Variants in TRAFD1 observed in about 807,000 individuals in gnomAD.
The protein encoded by TRAFD1 is TRAF-type zinc finger domain containing 1.
Under a neutral mutation model 65.3 loss-of-function variants are expected in TRAFD1, and 38 were observed. The observed-to-expected ratio is 0.58, with a 90% CI of 0.45 to 0.76. The LOEUF (loss-of-function observed/expected upper bound fraction) is 0.76, where lower values mean the gene tolerates loss of function less well. Ranked by LOEUF, TRAFD1 falls within the 30% of genes least tolerant of loss-of-function variation. The pLI, the probability that TRAFD1 is intolerant of heterozygous loss-of-function variation, is 0.00. For synonymous variants in TRAFD1, 223 were observed against 257.2 expected, an observed-to-expected ratio of 0.87 and a Z score of 1.27; for missense variants, 631 against 712.6, an observed-to-expected ratio of 0.89 and a Z score of 1.30.
chr12:112,126,659 CT>C (rs113787826), intron 1 of TRAFD1, among the ~76,000 whole-genome samples: 277 of 145,118 alleles, frequency 1.9e-3, no homozygotes, highest in South Asian at 2.6e-3. Flanking sequence ...GAGTGAATAT[CT>C]TTTTTTTTTT....
At chr12:112,151,204 C>T (rs1339061632) in intron 9 of TRAFD1, among the ~76,000 whole-genome samples, 3 of 151,846 alleles carry the variant, frequency 2.0e-5, no homozygotes, top group Admixed American at 6.6e-5. Flanking sequence ...TGCCATTGCA[C>T]TCCAGTCTGG....
intron 1 of TRAFD1, among the ~76,000 whole-genome samples, chr12:112,127,805 A>G (rs1206306991): frequency 1.3e-5 from 2 of 151,388 alleles, no homozygotes; most frequent in Non-Finnish European, 2.9e-5. Flanking sequence ...CGATCTCCTG[A>G]CCTTGTGATC....
chr12:112,143,422 G>A (rs1043120184), intron 6 of TRAFD1, among the ~76,000 whole-genome samples: 3 of 151,384 alleles, frequency 2.0e-5, no homozygotes, highest in Admixed American at 1.3e-4. Context: ...ACGGGGTTTC[G>A]CCATGTTGGC....
chr12:112,148,961 T>C (rs2030328403), intron 8 of TRAFD1, among the ~76,000 whole-genome samples: 1 of 152,200 alleles, frequency 6.6e-6, no homozygotes, highest in African/African-American at 2.4e-5. Flanking sequence ...CTTATGCCTG[T>C]GATCCCAGCA....
intron 1 of TRAFD1, among the ~76,000 whole-genome samples, chr12:112,129,903 A>G (rs1340566692): frequency 6.6e-6 from 1 of 151,848 alleles, no homozygotes; most frequent in Non-Finnish European, 1.5e-5. Flanking sequence ...CGGCCTCCCT[A>G]AGTCCTGGGA....
At chr12:112,146,908 T>C (rs150200284) in intron 7 of TRAFD1, among the ~76,000 whole-genome samples, 5 of 152,204 alleles carry the variant, frequency 3.3e-5, no homozygotes, top group East Asian at 3.9e-4. Flanking sequence ...ATTTGAATGA[T>C]TGACTATTCT....
chr12:112,134,831 C>T lies in TRAFD1; in HGVS notation c.141C>T (p.Pro47=), dbSNP rs750810027. 2.5e-6 allele frequency: 4 copies of T among 1,613,644 alleles called. No individual in the cohort carries two copies. Among genetic ancestry groups the T allele is most frequent in the South Asian group, 2.2e-5 (2 of 91,066 alleles). Residue 47 remains proline (P), a synonymous_variant, in exon 3 of 12, where the codon CCC becomes CCT. Coordinates refer to ENST00000412615, the MANE Select transcript of TRAFD1 (RefSeq NM_006700.3). Reference sequence around the variant, plus strand: ...GTCCTACCTGTAAGGAACCATTTCCCAAATCTGACATGGAGACTCACATGG... The same window carrying T: ...GTCCTACCTGTAAGGAACCATTTCCTAAATCTGACATGGAGACTCACATGG... ...GMCPTCKEPF[P]KSDMETHMAA... is the part of the protein sequence containing the mutation.
chr12:112,152,075 A>C lies in TRAFD1; in HGVS notation c.1554A>C (p.Gln518His), dbSNP rs758555640. The C allele has an allele frequency of 7.4e-6, 12 of 1,614,024 alleles. No individual in the cohort carries two copies. In the Admixed American group the frequency reaches 1.7e-4, roughly 22 times the overall value. ...PGHVSVIRPPQNLYPENIVPS... is the reference protein window; with the variant it reads ...PGHVSVIRPPHNLYPENIVPS... ...ACGTTTCAGTGATTCGCCCTCCTCA[A>C]AATCTCTACCCAGAAAACATTGTGC... is the stretch of plus-strand genomic sequence containing the variant. Residue 518 changes from glutamine to histidine, a missense_variant, in exon 10 of 12, where the codon CAA becomes CAC. Transcript: ENST00000412615. The surrounding 1 kb of genome is among the most constrained non-coding windows in gnomAD (Gnocchi z 5.0).
chr12:112,139,810 C>G (rs1215539713), intron 4 of TRAFD1, among the ~76,000 whole-genome samples: 1 of 152,102 alleles, frequency 6.6e-6, no homozygotes, highest in Non-Finnish European at 1.5e-5. Context: ...ACCAACTTGG[C>G]TAACGTGGTG....
chr12:112,138,806 C>T (rs1593866984), intron 4 of TRAFD1, among the ~76,000 whole-genome samples: 1 of 146,928 alleles, frequency 6.8e-6, no homozygotes, highest in South Asian at 2.1e-4. Flanking sequence ...TGCACTGAGT[C>T]GAAATCATGC....
intron 5 of TRAFD1, chr12:112,141,527 T>C (rs777234317): frequency 3.3e-5 from 10 of 299,334 alleles, no homozygotes; most frequent in African/African-American, 1.1e-4. Flanking sequence ...GCATTATATA[T>C]ACTGGATGAG....
rs749665100 is a variant in TRAFD1 at position 112,152,839 on chromosome 12, A to C, written c.*48A>C. On this transcript the variant is annotated 3_prime_UTR_variant, in exon 12 of 12. Transcript: ENST00000412615. The surrounding 1 kb of genome is among the most constrained non-coding windows in gnomAD (Gnocchi z 5.0). ...TCGGTTCCTGTCTTCTGTGCACAGC[A>C]GCACTTGCCGCTGTGCAGGCCCACC... The C allele has an allele frequency of 6.2e-7, 1 of 1,601,230 alleles. No homozygotes were observed. The highest frequency in any genetic ancestry group is 8.5e-7 in the Non-Finnish European group (1 of 1,169,920).
intron 6 of TRAFD1, among the ~76,000 whole-genome samples, chr12:112,144,251 T>A (rs1439871016): frequency 1.3e-5 from 2 of 151,846 alleles, no homozygotes. Flanking sequence ...GGGGTAACTT[T>A]AAGCTTTTGG....
chr12:112,140,761 A>G, intron 4 of TRAFD1, 58 bp from the exon 5 acceptor site: 1 of 1,589,456 alleles, frequency 6.3e-7, no homozygotes, highest in Non-Finnish European at 8.6e-7. Flanking sequence ...CTTGCCCTAT[A>G]CTAAAACACA....
rs1212343706 is a variant in TRAFD1 at position 112,152,031 on chromosome 12, G to A, written c.1510G>A (p.Gly504Arg). 1 of 1,614,224 alleles carries A rather than the reference G, an allele frequency of 6.2e-7. No homozygotes were observed. ...IQGRNRDSQN[G>R]AIAPGHVSVI... is the part of the protein sequence containing the mutation. ...GGGGCGGAATCGAGACAGCCAGAAT[G>A]GGGCCATAGCCCCTGGGCACGTTTC... The change falls in exon 10 of 12, where the codon GGG becomes AGG. Residue 504 changes from glycine (G) to arginine (R), a missense_variant. Gly to Arg is a moderately radical substitution (Grantham distance 125). Transcript: ENST00000412615. The surrounding 1 kb of genome is among the most constrained non-coding windows in gnomAD (Gnocchi z 5.0).
intron 6 of TRAFD1, among the ~76,000 whole-genome samples, chr12:112,143,228 C>T (rs1406320528): frequency 6.6e-6 from 1 of 151,752 alleles, no homozygotes; most frequent in Non-Finnish European, 1.5e-5. Flanking sequence ...TACAGGCGCC[C>T]ACCACTACAC....
chr12:112,129,736 T>G (rs533112490), intron 1 of TRAFD1, among the ~76,000 whole-genome samples: 1 of 151,478 alleles, frequency 6.6e-6, no homozygotes, highest in South Asian at 2.1e-4. Context: ...TCTGACTCCC[T>G]GGTTGAAGCG....
In TRAFD1 at chr12:112,137,698, C is replaced by A. The variant is rs935210711; in HGVS notation, c.237+2632C>A. 6.6e-6 allele frequency among the ~76,000 whole-genome samples: 1 copy of A among 152,088 alleles called. No individual in the cohort carries two copies. Among genetic ancestry groups the A allele is most frequent in the African/African-American group, 2.4e-5 (1 of 41,418 alleles). On this transcript the variant is annotated intron_variant, in intron 4 of 11. Transcript: ENST00000412615. The surrounding 1 kb of genome is among the most constrained non-coding windows in gnomAD (Gnocchi z 4.2). Reference sequence around the variant, plus strand: ...AATGGCGTGAACCCGGGAGGCGGAGCTTGCAGTAAGCCGAGGTTGCGCTAC... The same window carrying A: ...AATGGCGTGAACCCGGGAGGCGGAGATTGCAGTAAGCCGAGGTTGCGCTAC...
chr12:112,136,774 A>G (rs1374929071), intron 4 of TRAFD1, among the ~76,000 whole-genome samples: 2 of 151,954 alleles, frequency 1.3e-5, no homozygotes, highest in African/African-American at 4.8e-5. Flanking sequence ...TTTGTTTTTC[A>G]TAGAGTTGGG....
Sources: allele counts gnomAD v4.1 joint callset (sites outside exome capture counted in the v4.1 genomes callset), GRCh38; gene constraint gnomAD v4.1.1; non-coding constraint Gnocchi (gnomAD v3.1); transcripts MANE v1.5; gene names NCBI Gene and HGNC (gene_info 2026-07-23, HGNC 2026-07-21).